Variants in AMD1 observed in about 807,000 individuals in gnomAD.
The protein encoded by AMD1 is adenosylmethionine decarboxylase 1.
AMD1 carries 11 observed loss-of-function variants against 40.2 expected under a neutral mutation model. The observed-to-expected ratio is 0.27, with a 90% CI of 0.17 to 0.45. The LOEUF (loss-of-function observed/expected upper bound fraction) is 0.45, where lower values mean the gene tolerates loss of function less well. Among genes scored for constraint, AMD1 ranks in the 20% least tolerant of loss-of-function variants. AMD1 has a pLI of 1.00. For synonymous variants in AMD1, 121 were observed against 130.8 expected, an observed-to-expected ratio of 0.93 and a Z score of 0.51; for missense variants, 257 against 410.2, an observed-to-expected ratio of 0.63 and a Z score of 3.23.
At chr6:110,889,101 G>A (rs1216517399) in intron 3 of AMD1, 118 bp downstream of exon 3, 21 of 1,219,308 alleles carry the variant, frequency 1.7e-5, no homozygotes, top group Non-Finnish European at 2.1e-5. Context: ...ATGCAAACAC[G>A]TGGTAAGGTG....
the AMD1 span, among the ~76,000 whole-genome samples, chr6:110,833,842 T>C: frequency 1.3e-5 from 2 of 152,156 alleles, no homozygotes; most frequent in East Asian, 3.8e-4. Context: ...AGTGAGATCC[T>C]GTCTCTATGA....
At chr6:110,819,095 T>C in the AMD1 span, among the ~76,000 whole-genome samples, 10 of 152,216 alleles carry the variant, frequency 6.6e-5, no homozygotes, top group Admixed American at 2.6e-4. Context: ...CAGTGGCTCA[T>C]GGCTGTAATC....
At chr6:110,860,557 G>A in the AMD1 span, among the ~76,000 whole-genome samples, 1 of 151,976 alleles carries the variant, frequency 6.6e-6, no homozygotes, top group African/African-American at 2.4e-5. Flanking sequence ...CCTGCACTTT[G>A]GGAGGCCAAG....
At chr6:110,879,709 A>G (rs916294533) in intron 1 of AMD1, among the ~76,000 whole-genome samples, 1 of 152,164 alleles carries the variant, frequency 6.6e-6, no homozygotes, top group Admixed American at 6.5e-5. Flanking sequence ...ACAGACCTAA[A>G]AATATGAGGT....
At chr6:110,841,276 G>T in the AMD1 span, among the ~76,000 whole-genome samples, 1 of 152,302 alleles carries the variant, frequency 6.6e-6, no homozygotes, top group Admixed American at 6.5e-5. Flanking sequence ...AATCTTAAGT[G>T]TTATAAATGA....
At chr6:110,834,522 T>C in the AMD1 span, among the ~76,000 whole-genome samples, 1 of 152,096 alleles carries the variant, frequency 6.6e-6, no homozygotes, top group Non-Finnish European at 1.5e-5. Flanking sequence ...TTTGGTTAAG[T>C]ATACATTTTT....
chr6:110,891,638 C>A (rs1786020515), intron 4 of AMD1: 2 of 159,596 alleles, frequency 1.3e-5, no homozygotes, highest in Non-Finnish European at 2.8e-5. Context: ...AATATGAAAC[C>A]AAACCAGGCT....
upstream of AMD1, among the ~76,000 whole-genome samples, chr6:110,871,241 A>T (rs1363289831): frequency 1.3e-5 from 2 of 152,212 alleles, no homozygotes; most frequent in Non-Finnish European, 2.9e-5. Context: ...CTTATTTTTT[A>T]AAAACATCAT....
the AMD1 span, among the ~76,000 whole-genome samples, chr6:110,837,672 T>C: frequency 7.8e-6 from 1 of 127,598 alleles, no homozygotes; most frequent in Admixed American, 9.3e-5. Context: ...GTGTGTGACA[T>C]TGCACTCCAG....
At chr6:110,815,814 G>C in the AMD1 span, 1 of 152,554 alleles carries the variant, frequency 6.6e-6, no homozygotes, top group African/African-American at 2.4e-5. Context: ...GCACCTTGCT[G>C]AAGGGTTGGC....
chr6:110,859,674 G>A, the AMD1 span, among the ~76,000 whole-genome samples: 1 of 152,170 alleles, frequency 6.6e-6, no homozygotes, highest in Admixed American at 6.5e-5. Flanking sequence ...AGGCTCCCAA[G>A]TGGCTGCATT....
the AMD1 span, among the ~76,000 whole-genome samples, chr6:110,835,457 A>G: frequency 6.6e-6 from 1 of 152,236 alleles, no homozygotes; most frequent in African/African-American, 2.4e-5. Context: ...TCTATCCTAC[A>G]CTTTGAATGA....
the AMD1 span, among the ~76,000 whole-genome samples, chr6:110,827,736 G>A: frequency 8.5e-3 from 1,246 of 145,742 alleles, 12 homozygotes; most frequent in African/African-American, 0.03. Context: ...CTGCACTCCA[G>A]CCTGGGCCAC....
At chr6:110,848,547 G>A in the AMD1 span, 1 of 355,516 alleles carries the variant, frequency 2.8e-6, no homozygotes, top group East Asian at 1.1e-4. Flanking sequence ...CAACAAAACT[G>A]CACTTATGTA....
the AMD1 span, among the ~76,000 whole-genome samples, chr6:110,852,580 A>C: frequency 6.6e-6 from 1 of 152,112 alleles, no homozygotes; most frequent in Non-Finnish European, 1.5e-5. Context: ...CACCTCCTTC[A>C]ACAACTGGGA....
chr6:110,868,220 T>C, the AMD1 span, among the ~76,000 whole-genome samples: 5 of 152,082 alleles, frequency 3.3e-5, no homozygotes, highest in South Asian at 1.0e-3. Flanking sequence ...CGATCTCGGC[T>C]CACTGCAAGT....
At chr6:110,877,710 T>G (rs571714368) in intron 1 of AMD1, among the ~76,000 whole-genome samples, 44 of 152,384 alleles carry the variant, frequency 2.9e-4, no homozygotes, top group African/African-American at 1.0e-3. Flanking sequence ...GTACGTAAAC[T>G]GTTATCTTTA....
chr6:110,827,330 G>A, the AMD1 span, among the ~76,000 whole-genome samples: 1 of 149,446 alleles, frequency 6.7e-6, no homozygotes, highest in African/African-American at 2.5e-5. Flanking sequence ...TGTTTTTTAA[G>A]GTGGGTTTCA....
At chr6:110,842,024 A>C in the AMD1 span, among the ~76,000 whole-genome samples, 1 of 152,154 alleles carries the variant, frequency 6.6e-6, no homozygotes, top group African/African-American at 2.4e-5. Flanking sequence ...GCTGGTCTCG[A>C]AATTCTAACC....
Sources: gnomAD v4.1 joint callset for allele counts (sites outside exome capture counted in the v4.1 genomes callset) on GRCh38, gnomAD v4.1.1 for gene constraint, MANE v1.5 for transcripts, NCBI Gene and HGNC (gene_info 2026-07-23, HGNC 2026-07-21) for gene names.